The following CREBBP variants were observed in gnomAD, a reference collection of about 807,000 sequenced individuals.
CREBBP encodes the protein CREB binding lysine acetyltransferase.
A neutral mutation model predicts 265.0 loss-of-function variants in CREBBP; 19 were observed. The ratio of observed to expected loss-of-function variants is 0.07; its 90% confidence interval spans 0.05 to 0.11. CREBBP has a LOEUF of 0.11. Among genes scored for constraint, CREBBP ranks in the 10% least tolerant of loss-of-function variants. CREBBP has a pLI of 1.00. For missense variants in CREBBP, 2,525 were observed against 3,219.0 expected, an observed-to-expected ratio of 0.78 and a Z score of 5.22; for synonymous variants, 1,457 against 1,223.7, an observed-to-expected ratio of 1.19 and a Z score of -3.98.
intron 3 of CREBBP, among the ~76,000 whole-genome samples, chr16:3,804,920 T>C (rs1456124963): frequency 6.6e-6 from 1 of 152,234 alleles, no homozygotes; most frequent in Non-Finnish European, 1.5e-5. Flanking sequence ...GGGAAACCCA[T>C]ACTGGAAAGT....
chr16:3,727,476 GA>G lies in CREBBP; in HGVS notation c.*241del, dbSNP rs1246216543. On this transcript the variant is annotated 3_prime_UTR_variant, in exon 31 of 31. Coordinates refer to ENST00000262367, the MANE Select transcript of CREBBP (RefSeq NM_004380.3). ...CCTCCCCCCAAACAAAAACAAAACGGAAAAAAAAGAACCCCCCCCACCCCCC... is the reference window on the plus strand; with the variant it reads ...CCTCCCCCCAAACAAAAACAAAACGGAAAAAAAGAACCCCCCCCACCCCCC... The G allele has an allele frequency of 5.5e-5, 7 of 126,550 alleles. No homozygotes were observed. The highest frequency in any genetic ancestry group is 9.7e-5 in the East Asian group (1 of 10,282). The allele number at this position is 126,550 out of a possible 1,614,324, so 7.8% of individuals were successfully genotyped here.
In CREBBP at chr16:3,778,768, G is replaced by A. The variant is rs1233360493; in HGVS notation, c.1873C>T (p.Arg625Cys). 1 of 1,614,078 alleles carries A rather than the reference G, an allele frequency of 6.2e-7. No homozygotes were observed. Among genetic ancestry groups the A allele is most frequent in the Non-Finnish European group, 8.5e-7 (1 of 1,179,970 alleles). Residue 625 changes from arginine (R) to cysteine (C), a missense_variant, in exon 9 of 31, where the codon CGC (arginine) becomes TGC (cysteine). Arg to Cys is a radical substitution (Grantham distance 180). This residue lies in a region of CREBBP where 29 missense variants were observed against 99.9 expected (regional missense o/e 0.29). Transcript: ENST00000262367. ...TPDPAALKDRRMENLVAYAKK... is the reference protein window; with the variant it reads ...TPDPAALKDRCMENLVAYAKK... ...GCATAGGCTACCAGGTTTTCCATGC[G>A]GCGATCCTTTAGAGCTGCGGGATCA...
chr16:3,869,827 C>T (rs1290497516), intron 1 of CREBBP, among the ~76,000 whole-genome samples: 4 of 152,092 alleles, frequency 2.6e-5, no homozygotes, highest in African/African-American at 9.7e-5. Flanking sequence ...GGAAAGAATC[C>T]GTTCTCCCCT....
intron 6 of CREBBP, 86 bp from the exon 7 acceptor site, chr16:3,781,392 A>G: frequency 9.5e-7 from 1 of 1,047,222 alleles, no homozygotes. Flanking sequence ...ACATGCCACC[A>G]TATAAACAAT....
At chr16:3,840,296 G>C (rs1027752165) in intron 2 of CREBBP, among the ~76,000 whole-genome samples, 3 of 152,146 alleles carry the variant, frequency 2.0e-5, no homozygotes, top group African/African-American at 7.2e-5. Flanking sequence ...TTTCACACTT[G>C]TAATCCCAGC....
At chr16:3,762,596 G>C (rs972729772) in intron 16 of CREBBP, among the ~76,000 whole-genome samples, 2 of 152,052 alleles carry the variant, frequency 1.3e-5, no homozygotes, top group African/African-American at 4.8e-5. Flanking sequence ...CCTCTGGCCC[G>C]AGGACCTGCT....
rs2053920538 is a variant in CREBBP at position 3,810,643 on chromosome 16, G to A, written c.935C>T (p.Thr312Ile). 1 of 1,613,910 alleles carries A rather than the reference G, an allele frequency of 6.2e-7. No individual in the cohort carries two copies. The highest frequency in any genetic ancestry group is 8.5e-7 in the Non-Finnish European group (1 of 1,180,014). The change falls in exon 3 of 31, where the codon ACA becomes ATA. Residue 312 changes from threonine (T) to isoleucine (I), a missense_variant. This residue lies in a region of CREBBP where 126 missense variants were observed against 171.9 expected (regional missense o/e 0.73). Transcript: ENST00000262367. ...GGTGACTGAAGTATTCTTGATATCT[G>A]TAGGGAAGGTGGGCAAACTGTTGAC... ...SMVNSLPTFP[T>I]DIKNTSVTNV...
At position 3,725,752 on chromosome 16, in the gene CREBBP, C is replaced by T. The variant is rs939042320; in HGVS notation, c.*1966G>A. 7 of 233,166 alleles carry T rather than the reference C, an allele frequency of 3.0e-5. No homozygotes were observed. Among genetic ancestry groups the T allele is most frequent in the Non-Finnish European group, 5.9e-5 (7 of 118,044 alleles). 14.4% of individuals were successfully genotyped at this position (233,166 alleles called of 1,614,324 possible). A position where few individuals can be genotyped will look rare whatever the true frequency, so the allele number is the denominator to read the frequency against. ...GGTTCCTCGAATTCAGATTCCCAAA[C>T]CAAGTATTCAGCTATTTAAAACCTA... On this transcript the variant is annotated 3_prime_UTR_variant, in exon 31 of 31. Transcript: ENST00000262367.
intron 2 of CREBBP, chr16:3,813,029 A>T (rs904824587): frequency 1.8e-5 from 4 of 225,742 alleles, no homozygotes; most frequent in African/African-American, 8.9e-5. Flanking sequence ...GAGTGTCTTG[A>T]ACAAGATGGA....
intron 3 of CREBBP, 47 bp from the exon 4 acceptor site, chr16:3,793,673 C>T (rs950723478): frequency 1.9e-6 from 3 of 1,592,280 alleles, no homozygotes; most frequent in Non-Finnish European, 2.6e-6. Flanking sequence ...CTCAGAGTTC[C>T]AAGTCATATT....
intron 1 of CREBBP, among the ~76,000 whole-genome samples, chr16:3,852,169 T>C (rs538545379): frequency 3.6e-5 from 4 of 112,614 alleles, no homozygotes; most frequent in African/African-American, 1.3e-4. Flanking sequence ...TTTTTTTTTT[T>C]TTTTTTTTTT....
At chr16:3,773,325 C>A (rs2053059920) in intron 13 of CREBBP, among the ~76,000 whole-genome samples, 2 of 152,172 alleles carry the variant, frequency 1.3e-5, no homozygotes, top group Non-Finnish European at 2.9e-5. Context: ...CTTGATTTCA[C>A]CTGGCAGTGG....
chr16:3,727,683 G>A lies in CREBBP; in HGVS notation c.*35C>T, dbSNP rs2051781532. 2 of 1,613,004 alleles carry A rather than the reference G, an allele frequency of 1.2e-6. No individual in the cohort carries two copies. The highest frequency in any genetic ancestry group is 1.7e-6 in the Non-Finnish European group (2 of 1,179,982). The stretch of plus-strand genomic sequence containing the variant: ...TGGATTTTCAGTACAAAAGGTCCAA[G>A]AACATGAAAGGGAAAAGGTGATGCT... On this transcript the variant is annotated 3_prime_UTR_variant, in exon 31 of 31. Coordinates refer to ENST00000262367, the MANE Select transcript of CREBBP (RefSeq NM_004380.3).
intron 5 of CREBBP, among the ~76,000 whole-genome samples, chr16:3,786,910 T>C (rs1404675792): frequency 6.6e-6 from 1 of 151,978 alleles, no homozygotes; most frequent in Non-Finnish European, 1.5e-5. Context: ...CCATCTCTGC[T>C]AAAAATACAT....
intron 1 of CREBBP, among the ~76,000 whole-genome samples, chr16:3,859,207 A>T (rs903216054): frequency 1.3e-5 from 2 of 151,536 alleles, no homozygotes; most frequent in Non-Finnish European, 2.9e-5. Context: ...TTATTTTTTT[A>T]TTTTTATTTT....
At chr16:3,732,374 C>T (rs1033149480) in intron 28 of CREBBP, among the ~76,000 whole-genome samples, 8 of 152,134 alleles carry the variant, frequency 5.3e-5, no homozygotes, top group African/African-American at 1.9e-4. Flanking sequence ...GGAAAAGCAG[C>T]TGCCCCATCA....
At chr16:3,845,606 C>T (rs573905109) in intron 2 of CREBBP, among the ~76,000 whole-genome samples, 7 of 152,152 alleles carry the variant, frequency 4.6e-5, no homozygotes, top group Admixed American at 3.3e-4. Context: ...TTCAAGGAGG[C>T]CAGACACGGT....
Position 3,749,690 on chromosome 16 carries a change from T to A in CREBBP, c.3780-7A>T, listed in dbSNP as rs2052429553. 1 of 1,579,852 alleles carries A rather than the reference T, an allele frequency of 6.3e-7. No homozygotes were observed. The highest frequency in any genetic ancestry group is 1.3e-5 in the African/African-American group (1 of 74,430). On this transcript the variant is annotated splice_polypyrimidine_tract_variant and splice_region_variant and intron_variant, in intron 20 of 30. Transcript: ENST00000262367. ...CTGATCCTTTGAAATTGTCCTTGTT[T>A]TAAAATAAGAAAACATGTTTTATTA...
chr16:3,740,670 C>G, intron 23 of CREBBP, 121 bp from the exon 24 acceptor site: 8 of 1,151,722 alleles, frequency 6.9e-6, no homozygotes, highest in Non-Finnish European at 7.7e-6. Context: ...CTAATGTTCT[C>G]CAAACACGGA....
Sources: allele counts gnomAD v4.1 joint callset (sites outside exome capture counted in the v4.1 genomes callset), GRCh38; gene constraint gnomAD v4.1.1; regional missense constraint gnomAD v4.1.1; transcripts MANE v1.5; gene names NCBI Gene and HGNC (gene_info 2026-07-23, HGNC 2026-07-21).